The following TTF1 variants were observed in gnomAD, a reference collection of about 807,000 sequenced individuals.
TTF1 encodes transcription termination factor, RNA polymerase I.
TTF1 carries 64 observed loss-of-function variants against 80.2 expected under a neutral mutation model. The observed-to-expected ratio is 0.80, with a 90% CI of 0.65 to 0.98. The LOEUF (loss-of-function observed/expected upper bound fraction) is 0.98, where lower values mean the gene tolerates loss of function less well. Ranked by LOEUF, TTF1 falls within the 50% of genes least tolerant of loss-of-function variation. The pLI, the probability that TTF1 is intolerant of heterozygous loss-of-function variation, is 0.00. For synonymous variants in TTF1, 372 were observed against 382.7 expected, an observed-to-expected ratio of 0.97 and a Z score of 0.33; for missense variants, 1,023 against 1,086.2, an observed-to-expected ratio of 0.94 and a Z score of 0.82.
At chr9:132,386,423 G>A (rs1047288356) in intron 9 of TTF1, 133 bp downstream of exon 9, 5 of 808,904 alleles carry the variant, frequency 6.2e-6, no homozygotes, top group Middle Eastern at 3.6e-4. Context: ...CAAATACACT[G>A]AATTTTAACC....
intron 2 of TTF1, among the ~76,000 whole-genome samples, chr9:132,401,088 G>C (rs1017609640): frequency 6.6e-6 from 1 of 152,206 alleles, no homozygotes; most frequent in Non-Finnish European, 1.5e-5. Context: ...CCAGCACTTT[G>C]GGAGGCTGAG....
chr9:132,381,171 A>G (rs1849365057), intron 9 of TTF1, among the ~76,000 whole-genome samples: 1 of 152,092 alleles, frequency 6.6e-6, no homozygotes, highest in Non-Finnish European at 1.5e-5. Context: ...GTCACAAAGC[A>G]TACACAAATT....
rs1420639743 is a variant in TTF1 at position 132,396,473 on chromosome 9, G to A, written c.1816C>T (p.Arg606Ter). Residue 606 changes from arginine (R) to a stop codon, truncating the protein, a stop_gained, in exon 5 of 11, where the codon CGA becomes TGA. Transcript: ENST00000334270. LOFTEE classifies it high-confidence loss of function. ...IARPWKLIYY[R>*]AKKMFDVNNY... ...TTGACATCGAACATCTTCTTTGCTC[G>A]ATAGTATATAAGTTTCCAGGGCCGG... is the stretch of plus-strand genomic sequence containing the variant. 1 of 1,614,094 alleles carries A rather than the reference G, an allele frequency of 6.2e-7. No homozygotes were observed. Among genetic ancestry groups the A allele is most frequent in the Non-Finnish European group, 8.5e-7 (1 of 1,180,022 alleles).
At chr9:132,402,941 C>T (rs1388518365) in intron 1 of TTF1, 113 bp from the exon 2 acceptor site, 19 of 1,060,660 alleles carry the variant, frequency 1.8e-5, no homozygotes, top group African/African-American at 1.3e-4. Context: ...CTGCAAGCTC[C>T]GCCTCCTGGG....
chr9:132,379,241 A>T, intron 9 of TTF1, 97 bp from the exon 10 acceptor site: 1 of 845,858 alleles, frequency 1.2e-6, no homozygotes, highest in Non-Finnish European at 1.8e-6. Context: ...TGAGGTTTAT[A>T]GTTTTTTTTA....
chr9:132,402,895 G>A (rs1327328799), intron 1 of TTF1, 67 bp from the exon 2 acceptor site: 32 of 1,457,496 alleles, frequency 2.2e-5, no homozygotes, highest in East Asian at 4.6e-5. Context: ...TCACTCTGTC[G>A]CCCAGGCTGG....
chr9:132,399,666 A>T (rs528193066), intron 3 of TTF1, among the ~76,000 whole-genome samples: 1 of 152,328 alleles, frequency 6.6e-6, no homozygotes, highest in African/African-American at 2.4e-5. Flanking sequence ...TCTTGGAGAA[A>T]GAAACGATAC....
chr9:132,384,610 G>A lies in TTF1; in HGVS notation c.2378+1946C>T, dbSNP rs1037112827. Among the ~76,000 whole-genome samples the A allele has an allele frequency of 3.4e-4, 52 of 152,174 alleles. No individual in the cohort carries two copies. The highest frequency in any genetic ancestry group is 1.2e-3 in the African/African-American group (51 of 41,452). The stretch of plus-strand genomic sequence containing the variant: ...TCCTGTAGGGCTACGCGTGGCTGGT[G>A]AGTGGTAAGGGGACACTTTTCACTG... On this transcript the variant is annotated intron_variant, in intron 9 of 10. Coordinates refer to ENST00000334270, the MANE Select transcript of TTF1 (RefSeq NM_007344.4). This position sits in a 1 kb window ranked among gnomAD's most constrained non-coding sequence, Gnocchi z 4.1.
chr9:132,401,279 T>C (rs920753645), intron 2 of TTF1, among the ~76,000 whole-genome samples, 176 bp downstream of exon 2: 1 of 151,818 alleles, frequency 6.6e-6, no homozygotes, highest in Non-Finnish European at 1.5e-5. Context: ...TAAGCCGAGA[T>C]TGCACCATTG....
At chr9:132,401,338 A>G (rs1343116039) in intron 2 of TTF1, 117 bp downstream of exon 2, 3 of 947,102 alleles carry the variant, frequency 3.2e-6, no homozygotes, top group African/African-American at 3.4e-5. Context: ...AAAATAAATA[A>G]ATAAATAAAT....
Position 132,401,778 on chromosome 9 carries a change from G to A in TTF1, c.1044C>T (p.Ala348=), listed in dbSNP as rs752692298. 3 of 1,613,958 alleles carry A rather than the reference G, an allele frequency of 1.9e-6. No homozygotes were observed. The highest frequency in any genetic ancestry group is 2.2e-5 in the South Asian group (2 of 91,084). ...ATGCACTCTCGAGGCTCTCAGGCAT[G>A]GCCACTGCCTCAAATTCCTGGTGAT... ...KSNHQEFEAV[A]MPESLESAYP... Residue 348 remains alanine (A), a synonymous_variant, in exon 2 of 11, where the codon GCC becomes GCT. Coordinates refer to ENST00000334270, the MANE Select transcript of TTF1 (RefSeq NM_007344.4).
At chr9:132,404,651 C>T (rs1325748275) in intron 1 of TTF1, among the ~76,000 whole-genome samples, 2 of 152,044 alleles carry the variant, frequency 1.3e-5, no homozygotes, top group East Asian at 3.9e-4. Context: ...TCCAGCTGTT[C>T]TCTTTCTTCC....
chr9:132,396,537 AG>A, intron 4 of TTF1, 26 bp from the exon 5 acceptor site: 1 of 1,602,940 alleles, frequency 6.2e-7, no homozygotes, highest in Non-Finnish European at 8.5e-7. Flanking sequence ...AGGTGATCAG[AG>A]GGACTCACAT....
chr9:132,390,078 C>A (rs557145930), intron 7 of TTF1, among the ~76,000 whole-genome samples: 3 of 152,094 alleles, frequency 2.0e-5, no homozygotes, highest in Non-Finnish European at 4.4e-5. Context: ...TGGGTTCAAG[C>A]GATTCTCCTG....
rs561007709 is a variant in TTF1, at chr9:132,406,368, G to A, written c.-8+422C>T. Reference sequence around the variant, plus strand: ...TGTCATCCCAGCACTTTGAGAGGCCGAGGCGGGTGGATCACCTGAAGTCAG... The same window carrying A: ...TGTCATCCCAGCACTTTGAGAGGCCAAGGCGGGTGGATCACCTGAAGTCAG... On this transcript the variant is annotated intron_variant, in intron 1 of 10. Transcript: ENST00000334270. 1.1e-4 allele frequency among the ~76,000 whole-genome samples: 17 copies of A among 152,276 alleles called. No individual in the cohort carries two copies. In the East Asian group the frequency reaches 2.7e-3, roughly 24 times the overall value.
rs1485692597 is a variant in TTF1 at position 132,399,604 on chromosome 9, A to T, written c.1591+431T>A. On this transcript the variant is annotated intron_variant, in intron 3 of 10. Transcript: ENST00000334270. ...ATAAGAGAGGTTCAGAAACACAGTG[A>T]AATCAAGAAGGTGATCAAGTCTACC... is the stretch of plus-strand genomic sequence containing the variant. 3.3e-5 allele frequency among the ~76,000 whole-genome samples: 5 copies of T among 152,334 alleles called. No individual in the cohort carries two copies. In the East Asian group the frequency reaches 9.6e-4, roughly 29 times the overall value.
At chr9:132,393,090 A>G (rs972772470) in intron 5 of TTF1, among the ~76,000 whole-genome samples, 6 of 152,246 alleles carry the variant, frequency 3.9e-5, no homozygotes, top group Non-Finnish European at 5.9e-5. Context: ...GGGAAGTTCC[A>G]TGAGGGCAGA....
chr9:132,377,938 AATGCATGTGGTGTGAGTGC>A (rs1849258902), intron 10 of TTF1, among the ~76,000 whole-genome samples: 1 of 98,258 alleles, frequency 1.0e-5, no homozygotes, highest in Non-Finnish European at 1.9e-5. Flanking sequence ...GGTGCGTGTG[AATGCATGTGGTGTGAGTGC>A]ATGTGGTGTG....
At chr9:132,399,037 A>G (rs141733014) in intron 3 of TTF1, among the ~76,000 whole-genome samples, 68 of 152,122 alleles carry the variant, frequency 4.5e-4, no homozygotes, top group African/African-American at 1.6e-3. Context: ...CATCTCAACT[A>G]AAAATACAAA....
Sources: allele counts gnomAD v4.1 joint callset (sites outside exome capture counted in the v4.1 genomes callset), GRCh38; gene constraint gnomAD v4.1.1; non-coding constraint Gnocchi (gnomAD v3.1); transcripts MANE v1.5; gene names NCBI Gene and HGNC (gene_info 2026-07-23, HGNC 2026-07-21).